The following SLC46A3 variants were observed in gnomAD, a reference collection of about 807,000 sequenced individuals.
SLC46A3 encodes solute carrier family 46 member 3.
A neutral mutation model predicts 38.5 loss-of-function variants in SLC46A3; 26 were observed. The observed-to-expected ratio is 0.68, with a 90% CI of 0.49 to 0.94. The LOEUF (loss-of-function observed/expected upper bound fraction) is 0.94, where lower values mean the gene tolerates loss of function less well. Ranked by LOEUF, SLC46A3 falls within the 40% of genes least tolerant of loss-of-function variation. The pLI, the probability that SLC46A3 is intolerant of heterozygous loss-of-function variation, is 0.00. For missense variants in SLC46A3, 510 were observed against 544.3 expected, an observed-to-expected ratio of 0.94 and a Z score of 0.63; for synonymous variants, 185 against 192.5, an observed-to-expected ratio of 0.96 and a Z score of 0.32.
rs751982648 is a variant in SLC46A3 at position 28,701,507 on chromosome 13, GA to G, written c.1375del (p.Ser459GlnfsTer24). 5 of 1,613,038 alleles carry G rather than the reference GA, an allele frequency of 3.1e-6. No individual in the cohort carries two copies. In the African/African-American group the frequency reaches 6.7e-5, roughly 22 times the overall value. ...TTGTTTAAATCACAGTCACCTGTCTGAAGCATCTTCACTGGATTCTTCTTGT... is the reference window on the plus strand; with the variant it reads ...TTGTTTAAATCACAGTCACCTGTCTGAGCATCTTCACTGGATTCTTCTTGT... ...LIQEESSEDA[S>X]DR On this transcript the variant is annotated frameshift_variant, in exon 6 of 6. Transcript: ENST00000266943. LOFTEE classifies it high-confidence loss of function.
rs781207792 is a variant in SLC46A3, at chr13:28,718,548, G to A, written c.-77C>T. On this transcript the variant is annotated 5_prime_UTR_variant, in exon 1 of 6. Coordinates refer to ENST00000266943, the MANE Select transcript of SLC46A3 (RefSeq NM_181785.4). ...TGGGTACAGGTCGGGCCGTGCCAGG[G>A]GCTGTCGCCTCGGATGCCCTGCGCT... 6.6e-6 allele frequency: 1 copy of A among 152,476 alleles called. No individual in the cohort carries two copies. Among genetic ancestry groups the A allele is most frequent in the African/African-American group, 2.4e-5 (1 of 41,476 alleles). The allele number at this position is 152,476 out of a possible 1,614,324, so 9.4% of individuals were successfully genotyped here.
Position 28,700,992 on chromosome 13 carries a change from C to T in SLC46A3, c.*505G>A, listed in dbSNP as rs705423. On this transcript the variant is annotated 3_prime_UTR_variant, in exon 6 of 6. Coordinates refer to ENST00000266943, the MANE Select transcript of SLC46A3 (RefSeq NM_181785.4). Reference sequence around the variant, plus strand: ...AAGCATTACCAAGTATAGGTAAAATCATACATATTTGAAACTTATATCATT... The same window carrying T: ...AAGCATTACCAAGTATAGGTAAAATTATACATATTTGAAACTTATATCATT... 0.47 allele frequency: 722,490 copies of T among 1,526,250 alleles called. 174,346 individuals carry two copies. The highest frequency in any genetic ancestry group is 0.64 in the East Asian group (26,141 of 40,598). 94.5% of individuals were successfully genotyped at this position (1,526,250 alleles called of 1,614,324 possible).
intron 4 of SLC46A3, chr13:28,704,376 AAAG>A (rs1885117559): frequency 5.9e-6 from 2 of 336,786 alleles, no homozygotes; most frequent in African/African-American, 2.1e-5. Flanking sequence ...GCAAAGCTAA[AAAG>A]ACAGTGCAGC....
chr13:28,703,813 G>T, intron 5 of SLC46A3, 130 bp downstream of exon 5: 1 of 716,830 alleles, frequency 1.4e-6, no homozygotes, highest in Non-Finnish European at 2.3e-6. Flanking sequence ...AGCACTTCAT[G>T]TCTAAAAGTT....
In SLC46A3 at chr13:28,700,889, G is replaced by A; in HGVS notation, c.*608C>T. The A allele has an allele frequency of 7.7e-7, 1 of 1,291,452 alleles. No individual in the cohort carries two copies. Among genetic ancestry groups the A allele is most frequent in the Non-Finnish European group, 1.1e-6 (1 of 924,194 alleles). The allele number at this position is 1,291,452 out of a possible 1,614,324, so 80.0% of individuals were successfully genotyped here. On this transcript the variant is annotated 3_prime_UTR_variant, in exon 6 of 6. Transcript: ENST00000266943. ...TTGTATCAACAAAGCACTGATTGTGGAATTCATGTATAGTCTTCAGAAGTC... is the reference window on the plus strand; with the variant it reads ...TTGTATCAACAAAGCACTGATTGTGAAATTCATGTATAGTCTTCAGAAGTC...
At chr13:28,715,607 T>C (rs2137841307) in intron 2 of SLC46A3, among the ~76,000 whole-genome samples, 1 of 152,344 alleles carries the variant, frequency 6.6e-6, no homozygotes, top group Non-Finnish European at 1.5e-5. Context: ...AAATTACAGC[T>C]AGACAGGAGG....
At position 28,717,893 on chromosome 13, in the gene SLC46A3, T is replaced by A. The variant is rs765120811; in HGVS notation, c.106A>T (p.Thr36Ser). The change falls in exon 2 of 6, where the codon ACT becomes TCT. Residue 36 changes from threonine (T) to serine (S), a missense_variant. Physicochemically the swap from Thr to Ser is moderately conservative, Grantham distance 58. Transcript: ENST00000266943. ...TCAGATGAAAAAGTGTAGTTGCCAG[T>A]TTCTTCCCATATTCTCCGATAAACA... ...QYVYRRIWEE[T>S]GNYTFSSDSN... 1 of 1,614,192 alleles carries A rather than the reference T, an allele frequency of 6.2e-7. No homozygotes were observed. The highest frequency in any genetic ancestry group is 8.5e-7 in the Non-Finnish European group (1 of 1,180,034).
Position 28,712,716 on chromosome 13 carries a change from T to C in SLC46A3, c.1024A>G (p.Thr342Ala), listed in dbSNP as rs748391169. The C allele has an allele frequency of 2.5e-6, 4 of 1,606,454 alleles. No homozygotes were observed. The African/African-American group carries it at 4.0e-5, about 16-fold the overall frequency. Residue 342 changes from threonine to alanine, a missense_variant, in exon 3 of 6, where the codon ACC becomes GCC. By Grantham distance (58) the Thr-to-Ala change is moderately conservative (BLOSUM62 0). Transcript: ENST00000266943. Reference sequence around the variant, plus strand: ...ATCAGTGTTGTACTGGCAAACGCGGTCATAGCCATTCCTGTCATCGTGGTA... The same window carrying C: ...ATCAGTGTTGTACTGGCAAACGCGGCCATAGCCATTCCTGTCATCGTGGTA... ...IFTTMTGMAM[T>A]AFASTTLMMF...
intron 3 of SLC46A3, among the ~76,000 whole-genome samples, chr13:28,712,034 G>A (rs772790541): frequency 1.3e-5 from 2 of 152,140 alleles, no homozygotes; most frequent in Non-Finnish European, 2.9e-5. Context: ...AGATAGTAAG[G>A]GGTTAACACT....
In SLC46A3 at chr13:28,716,151, T is replaced by C. The variant is rs529084002; in HGVS notation, c.189+1659A>G. Among the ~76,000 whole-genome samples, 87 of 152,142 alleles carry C rather than the reference T, an allele frequency of 5.7e-4. 1 individual carries two copies. Among genetic ancestry groups the C allele is most frequent in the African/African-American group, 2.0e-3 (84 of 41,488 alleles). On this transcript the variant is annotated intron_variant, in intron 2 of 5. Coordinates refer to ENST00000266943, the MANE Select transcript of SLC46A3 (RefSeq NM_181785.4). ...GTGGGCAGCAGAATGAGACCCTGTC[T>C]CAAAAAGTACCATACATGCATAAAT...
intron 2 of SLC46A3, among the ~76,000 whole-genome samples, chr13:28,716,770 A>T (rs1413278323): frequency 2.0e-5 from 3 of 152,170 alleles, no homozygotes; most frequent in African/African-American, 7.2e-5. Context: ...ACACCTCGGG[A>T]AGTGCTAGAA....
Position 28,701,099 on chromosome 13 carries a change from G to C in SLC46A3, c.*398C>G. On this transcript the variant is annotated 3_prime_UTR_variant, in exon 6 of 6. Coordinates refer to ENST00000266943, the MANE Select transcript of SLC46A3 (RefSeq NM_181785.4). Reference sequence around the variant, plus strand: ...CTGAGAGAGGCCAGAAACCCATTCTGCTGATGAAGAAACTGAGGTAAAGAT... The same window carrying C: ...CTGAGAGAGGCCAGAAACCCATTCTCCTGATGAAGAAACTGAGGTAAAGAT... 1 of 1,449,142 alleles carries C rather than the reference G, an allele frequency of 6.9e-7. No individual in the cohort carries two copies. Among genetic ancestry groups the C allele is most frequent in the South Asian group, 1.5e-5 (1 of 64,676 alleles). 89.8% of individuals were successfully genotyped at this position (1,449,142 alleles called of 1,614,324 possible).
At chr13:28,714,795 C>T (rs944463723) in intron 2 of SLC46A3, among the ~76,000 whole-genome samples, 13 of 152,186 alleles carry the variant, frequency 8.5e-5, no homozygotes, top group Admixed American at 8.5e-4. Flanking sequence ...TATGTCATGA[C>T]CTGAGGAGTA....
chr13:28,708,936 T>C (rs996189933), intron 4 of SLC46A3, among the ~76,000 whole-genome samples: 8 of 152,222 alleles, frequency 5.3e-5, no homozygotes, highest in Admixed American at 6.5e-5. Flanking sequence ...ACATAGTTTA[T>C]ATAAATTTTT....
At chr13:28,714,084 C>CAGGAGTTTG (rs1885448939) in intron 2 of SLC46A3, among the ~76,000 whole-genome samples, 1 of 146,988 alleles carries the variant, frequency 6.8e-6, no homozygotes. Context: ...CACTTGAGGT[C>CAGGAGTTTG]AGGAGTTTGA....
chr13:28,716,829 C>G (rs533200923), intron 2 of SLC46A3, among the ~76,000 whole-genome samples: 7 of 152,250 alleles, frequency 4.6e-5, no homozygotes, highest in African/African-American at 1.7e-4. Flanking sequence ...GGCTCTTCTC[C>G]CAGTCACAGA....
rs930777416 is a variant in SLC46A3, at chr13:28,704,253, C to G, written c.1145-154G>C. On this transcript the variant is annotated intron_variant, in intron 4 of 5. Transcript: ENST00000266943. The stretch of plus-strand genomic sequence containing the variant: ...AATGAAAGTTATTCCCTCAAAGTCC[C>G]TGAGAAGTCAGCAGCCCATTCTGCA... The G allele has an allele frequency of 8.6e-5, 59 of 686,982 alleles. No individual in the cohort carries two copies. The African/African-American group carries it at 1.0e-3, about 12-fold the overall frequency. 42.6% of individuals were successfully genotyped at this position (686,982 alleles called of 1,614,324 possible). A position where few individuals can be genotyped will look rare whatever the true frequency, so the allele number is the denominator to read the frequency against.
intron 5 of SLC46A3, among the ~76,000 whole-genome samples, chr13:28,702,940 A>G (rs1336981617): frequency 6.6e-6 from 1 of 152,178 alleles, no homozygotes; most frequent in African/African-American, 2.4e-5. Flanking sequence ...GTGCTATGCT[A>G]TCAGCCACAT....
chr13:28,710,828 A>C lies in SLC46A3; in HGVS notation c.1076T>G (p.Leu359Arg). 3 of 1,613,968 alleles carry C rather than the reference A, an allele frequency of 1.9e-6. No homozygotes were observed. The highest frequency in any genetic ancestry group is 2.5e-6 in the Non-Finnish European group (3 of 1,179,924). The change falls in exon 4 of 6, where the codon CTT becomes CGT. Residue 359 changes from leucine to arginine, a missense_variant. Transcript: ENST00000266943. ...LMMFLARVPF[L>R]FTIVPFSVLR... ...AACAGAGAATGGCACAATAGTGAAA[A>C]GGAACGGCACCCTGGCTGTGAGAGA... is the stretch of plus-strand genomic sequence containing the variant.
Sources: gnomAD v4.1 joint callset for allele counts (sites outside exome capture counted in the v4.1 genomes callset) on GRCh38, gnomAD v4.1.1 for gene constraint, MANE v1.5 for transcripts, NCBI Gene and HGNC (gene_info 2026-07-23, HGNC 2026-07-21) for gene names.